PLEKHH2: variants seen among roughly 807,000 people sequenced by gnomAD.
The protein encoded by PLEKHH2 is pleckstrin homology, MyTH4 and FERM domain containing H2, also known as pleckstrin homology domain-containing family H member 2.
In PLEKHH2, 129 loss-of-function variants were observed where a neutral mutation model predicts 187.9. That is an observed-to-expected ratio of 0.69 (90% CI 0.59 to 0.79). The LOEUF (loss-of-function observed/expected upper bound fraction) is 0.79. PLEKHH2 is among the 30% of genes least tolerant of loss of function. PLEKHH2 has a pLI of 0.00. For missense variants in PLEKHH2, 2,076 were observed against 1,751.2 expected, an observed-to-expected ratio of 1.19 and a Z score of -3.31; for synonymous variants, 686 against 605.6, an observed-to-expected ratio of 1.13 and a Z score of -1.95.
rs1468229389 is a variant in PLEKHH2, at chr2:43,729,647, T to C, written c.2732T>C (p.Leu911Pro). ...TGTTCTGGTTTTAAGGACACTTGGC[T>C]TTATCATCTGACTGTTGCAGCTGGA... is the stretch of plus-strand genomic sequence containing the variant. ...IGSKHEKDTW[L>P]YHLTVAAGSN... Residue 911 changes from leucine (L) to proline (P), a missense_variant, in exon 18 of 30, where the codon CTT (leucine) becomes CCT (proline). Physicochemically the swap from Leu to Pro is moderately conservative, Grantham distance 98 (BLOSUM62 -3). Coordinates refer to ENST00000282406, the MANE Select transcript of PLEKHH2 (RefSeq NM_172069.4). 2 of 1,596,708 alleles carry C rather than the reference T, an allele frequency of 1.3e-6. No individual in the cohort carries two copies. The highest frequency in any genetic ancestry group is 2.2e-5 in the East Asian group (1 of 44,464).
chr2:43,717,257 A>G (rs988651058), intron 15 of PLEKHH2, among the ~76,000 whole-genome samples: 3 of 152,188 alleles, frequency 2.0e-5, no homozygotes, highest in Non-Finnish European at 2.9e-5. Context: ...GTCTTCTCTA[A>G]AAATACAAAA....
chr2:43,656,617 T>C (rs1666781811), intron 2 of PLEKHH2, among the ~76,000 whole-genome samples: 1 of 152,218 alleles, frequency 6.6e-6, no homozygotes, highest in Non-Finnish European at 1.5e-5. Context: ...CATAAAAAAC[T>C]ACCTCAAAAC....
intron 19 of PLEKHH2, among the ~76,000 whole-genome samples, chr2:43,732,950 G>T (rs149560993): frequency 1.8e-3 from 267 of 150,228 alleles, no homozygotes; most frequent in African/African-American, 6.1e-3. Context: ...TTTCTGCCTT[G>T]TGCTTGTCTT....
intron 8 of PLEKHH2, among the ~76,000 whole-genome samples, chr2:43,703,703 TCTTA>T (rs145289328): frequency 0.036 from 5,505 of 152,246 alleles, 338 homozygotes; most frequent in African/African-American, 0.13. Flanking sequence ...AAAAGCTTTC[TCTTA>T]CTTTTTCTTC....
At chr2:43,747,450 A>G (rs963692517) in intron 24 of PLEKHH2, among the ~76,000 whole-genome samples, 5 of 152,158 alleles carry the variant, frequency 3.3e-5, no homozygotes, top group Non-Finnish European at 1.5e-5. Flanking sequence ...AATGCATAGA[A>G]AAGAATGTTC....
chr2:43,641,992 G>C (rs963636593), intron 1 of PLEKHH2, among the ~76,000 whole-genome samples: 2 of 152,268 alleles, frequency 1.3e-5, no homozygotes, highest in East Asian at 3.9e-4. Flanking sequence ...AGTTTGATCA[G>C]CTTGTCAATT....
intron 11 of PLEKHH2, 109 bp from the exon 12 acceptor site, chr2:43,709,881 G>C (rs948849800): frequency 3.6e-6 from 4 of 1,119,248 alleles, no homozygotes; most frequent in Non-Finnish European, 3.8e-6. Flanking sequence ...ATCTAGTCTA[G>C]GGAGGCTTAT....
intron 10 of PLEKHH2, 30 bp downstream of exon 10, chr2:43,706,446 G>C: frequency 1.4e-6 from 2 of 1,433,158 alleles, no homozygotes; most frequent in Non-Finnish European, 1.9e-6. Context: ...GTTAAAACAT[G>C]TGCTTCTCTT....
intron 24 of PLEKHH2, 86 bp from the exon 25 acceptor site, chr2:43,753,533 C>A: frequency 1.8e-6 from 2 of 1,117,414 alleles, no homozygotes; most frequent in Non-Finnish European, 1.2e-6. Flanking sequence ...GTTAAAACAA[C>A]CCCATCTCAG....
intron 15 of PLEKHH2, among the ~76,000 whole-genome samples, chr2:43,718,568 T>G (rs915019122): frequency 2.6e-5 from 4 of 152,146 alleles, no homozygotes; most frequent in African/African-American, 9.7e-5. Context: ...ATACAAGATT[T>G]ATGTATAAAG....
In PLEKHH2 at chr2:43,637,901, G is replaced by T. The variant is rs571206696; in HGVS notation, c.-4+522G>T. ...CAAAGCACCCTAAGGTGACCTACCC[G>T]GAAACCACTGTCCCCGAAGTTAGTG... On this transcript the variant is annotated intron_variant, in intron 1 of 29. Coordinates refer to ENST00000282406, the MANE Select transcript of PLEKHH2 (RefSeq NM_172069.4). Among the ~76,000 whole-genome samples, 145 of 152,292 alleles carry T rather than the reference G, an allele frequency of 9.5e-4. 1 individual carries two copies. The highest frequency in any genetic ancestry group is 3.4e-3 in the African/African-American group (141 of 41,564).
At chr2:43,708,248 G>A (rs996372147) in intron 11 of PLEKHH2, among the ~76,000 whole-genome samples, 133 of 152,264 alleles carry the variant, frequency 8.7e-4, no homozygotes, top group African/African-American at 3.0e-3. Context: ...ACACACTTTT[G>A]CTGGAAACAC....
At chr2:43,655,603 C>T (rs2104362685) in intron 2 of PLEKHH2, among the ~76,000 whole-genome samples, 1 of 152,206 alleles carries the variant, frequency 6.6e-6, no homozygotes, top group East Asian at 1.9e-4. Context: ...TGGCAGGCAA[C>T]CAGAAAGACT....
chr2:43,671,176 C>CAT (rs1667481367), intron 2 of PLEKHH2, among the ~76,000 whole-genome samples: 6 of 151,438 alleles, frequency 4.0e-5, no homozygotes, highest in African/African-American at 1.5e-4. Context: ...TAGTAGAGAC[C>CAT]GGGTTTTACC....
intron 20 of PLEKHH2, among the ~76,000 whole-genome samples, chr2:43,739,337 A>T (rs567887682): frequency 6.2e-4 from 94 of 152,298 alleles, no homozygotes; most frequent in African/African-American, 2.2e-3. Context: ...GCGTTTCTTT[A>T]TTAGTGCAGT....
chr2:43,703,674 G>A (rs1196441809), intron 8 of PLEKHH2, among the ~76,000 whole-genome samples: 2 of 152,050 alleles, frequency 1.3e-5, no homozygotes, highest in African/African-American at 4.8e-5. Flanking sequence ...TGGTGTTTAT[G>A]TGTAGTCAGT....
In PLEKHH2 at chr2:43,729,656, T is replaced by G; in HGVS notation, c.2741T>G (p.Leu914Arg). The stretch of plus-strand genomic sequence containing the variant: ...TTTAAGGACACTTGGCTTTATCATC[T>G]GACTGTTGCAGCTGGAAGCAACAAT... ...KHEKDTWLYH[L>R]TVAAGSNNVN... Residue 914 changes from leucine to arginine, a missense_variant, in exon 18 of 30, where the codon CTG becomes CGG. Leu to Arg is a moderately radical substitution (Grantham distance 102). Transcript: ENST00000282406. 1 of 1,602,962 alleles carries G rather than the reference T, an allele frequency of 6.2e-7. No homozygotes were observed. Among genetic ancestry groups the G allele is most frequent in the South Asian group, 1.1e-5 (1 of 88,524 alleles).
chr2:43,720,786 T>C, intron 16 of PLEKHH2, 37 bp downstream of exon 16: 1 of 1,581,588 alleles, frequency 6.3e-7, no homozygotes, highest in Non-Finnish European at 8.6e-7. Context: ...TTGAAGTAAC[T>C]TTTTGTGTGT....
At chr2:43,712,025 A>G (rs1459713413) in intron 14 of PLEKHH2, 200 bp from the exon 15 acceptor site, 1 of 1,279,574 alleles carries the variant, frequency 7.8e-7, no homozygotes, top group African/African-American at 1.6e-5. Context: ...TTATTTCCAC[A>G]AAAATTTAAT....
Sources: allele counts gnomAD v4.1 joint callset (sites outside exome capture counted in the v4.1 genomes callset), GRCh38; gene constraint gnomAD v4.1.1; transcripts MANE v1.5; gene names NCBI Gene and HGNC (gene_info 2026-07-23, HGNC 2026-07-21).